SEMA3A: variants seen among roughly 807,000 people sequenced by gnomAD.
SEMA3A encodes the protein semaphorin 3A.
A neutral mutation model predicts 97.9 loss-of-function variants in SEMA3A; 29 were observed. That is an observed-to-expected ratio of 0.30 (90% CI 0.22 to 0.40). The LOEUF (loss-of-function observed/expected upper bound fraction) is 0.40. SEMA3A is among the 10% of genes least tolerant of loss of function. The probability of loss-of-function intolerance (pLI) is 1.00; values close to 1 mark genes in which losing one functional copy is unlikely to be tolerated. For synonymous variants in SEMA3A, 321 were observed against 323.7 expected, an observed-to-expected ratio of 0.99 and a Z score of 0.09; for missense variants, 763 against 951.3, an observed-to-expected ratio of 0.80 and a Z score of 2.60.
At chr7:84,007,663 TACACA>T (rs1213085994) in intron 9 of SEMA3A, among the ~76,000 whole-genome samples, 166 bp from the exon 10 acceptor site, 1 of 152,102 alleles carries the variant, frequency 6.6e-6, no homozygotes, top group Non-Finnish European at 1.5e-5. Context: ...CATTTAACAA[TACACA>T]AAAGAACAAA....
chr7:84,394,620 G>A (rs1477574735), intron 1 of SEMA3A, among the ~76,000 whole-genome samples: 1 of 151,958 alleles, frequency 6.6e-6, no homozygotes, highest in Non-Finnish European at 1.5e-5. Flanking sequence ...ATGGCTGATT[G>A]GAACAACAAA....
intron 1 of SEMA3A, among the ~76,000 whole-genome samples, chr7:84,463,448 C>A (rs997150913): frequency 2.3e-4 from 35 of 151,758 alleles, no homozygotes; most frequent in African/African-American, 8.2e-4. Flanking sequence ...CGGGGTTTCA[C>A]CGTGTTAGCC....
chr7:84,010,009 A>G (rs1027223727), intron 9 of SEMA3A, among the ~76,000 whole-genome samples: 2 of 146,446 alleles, frequency 1.4e-5, no homozygotes, highest in African/African-American at 2.5e-5. Flanking sequence ...TGTTTTTATT[A>G]TGTCTTTTTA....
intron 6 of SEMA3A, among the ~76,000 whole-genome samples, chr7:84,037,195 T>C (rs1339850846): frequency 6.6e-6 from 1 of 152,094 alleles, no homozygotes; most frequent in Non-Finnish European, 1.5e-5. Flanking sequence ...TTACCTGTTT[T>C]CCTACCCTAC....
intron 4 of SEMA3A, among the ~76,000 whole-genome samples, chr7:84,091,782 C>G (rs531366894): frequency 6.6e-6 from 1 of 152,034 alleles, no homozygotes; most frequent in Non-Finnish European, 1.5e-5. Context: ...TATTAATAAC[C>G]GTGAGTGAAG....
At chr7:84,435,031 T>G (rs899352506) in intron 1 of SEMA3A, among the ~76,000 whole-genome samples, 11 of 152,012 alleles carry the variant, frequency 7.2e-5, no homozygotes, top group Admixed American at 6.6e-5. Context: ...GACAAATAAA[T>G]AAAAGGCATC....
At chr7:84,202,656 C>A (rs1192390253) in intron 3 of SEMA3A, among the ~76,000 whole-genome samples, 1 of 152,128 alleles carries the variant, frequency 6.6e-6, no homozygotes, top group Non-Finnish European at 1.5e-5. Flanking sequence ...AACTGGTAAC[C>A]ATTGAAAACA....
chr7:84,246,439 A>C (rs946188395), intron 3 of SEMA3A, among the ~76,000 whole-genome samples: 1 of 152,216 alleles, frequency 6.6e-6, no homozygotes, highest in Non-Finnish European at 1.5e-5. Flanking sequence ...GGTTTTGCTA[A>C]AGACATTAAA....
intron 6 of SEMA3A, among the ~76,000 whole-genome samples, chr7:84,031,993 A>C (rs1443486355): frequency 6.6e-6 from 1 of 152,226 alleles, no homozygotes; most frequent in Non-Finnish European, 1.5e-5. Flanking sequence ...AAAATTGTCA[A>C]ATAATCATAA....
At chr7:84,415,497 T>C (rs1804408589) in intron 1 of SEMA3A, among the ~76,000 whole-genome samples, 1 of 152,084 alleles carries the variant, frequency 6.6e-6, no homozygotes, top group Admixed American at 6.6e-5. Flanking sequence ...AATTTTGAGA[T>C]TGTATTTCAC....
intron 15 of SEMA3A, among the ~76,000 whole-genome samples, chr7:83,968,137 CAACT>C (rs975032119): frequency 5.3e-5 from 8 of 152,038 alleles, no homozygotes; most frequent in African/African-American, 1.7e-4. Flanking sequence ...AACAAAAACT[CAACT>C]AAGGAAATAT....
At chr7:84,053,181 A>C (rs907592615) in intron 5 of SEMA3A, among the ~76,000 whole-genome samples, 6 of 125,266 alleles carry the variant, frequency 4.8e-5, no homozygotes, top group African/African-American at 1.3e-4. Flanking sequence ...GAAAAAATGT[A>C]TATTCTGTTG....
intron 4 of SEMA3A, among the ~76,000 whole-genome samples, chr7:84,090,473 CT>C (rs1321014128): frequency 1.3e-5 from 2 of 152,198 alleles, no homozygotes; most frequent in East Asian, 3.9e-4. Context: ...ATAGCATGTT[CT>C]CTCTGCAAGG....
intron 12 of SEMA3A, among the ~76,000 whole-genome samples, chr7:83,994,444 G>A (rs1368967823): frequency 8.2e-6 from 1 of 121,608 alleles, no homozygotes; most frequent in African/African-American, 3.0e-5. Context: ...CATCTTTGTG[G>A]TTTTATCTAC....
intron 11 of SEMA3A, among the ~76,000 whole-genome samples, chr7:84,004,921 C>G (rs1562967264): frequency 6.6e-6 from 1 of 152,268 alleles, no homozygotes; most frequent in East Asian, 1.9e-4. Flanking sequence ...AAATCTTCAT[C>G]TGCTCCTACC....
chr7:84,299,300 A>C, intron 3 of SEMA3A, among the ~76,000 whole-genome samples: 1 of 68,022 alleles, frequency 1.5e-5, no homozygotes, highest in Non-Finnish European at 3.5e-5. Context: ...ATCTCCATAT[A>C]TATATCTCCA....
At chr7:84,296,653 C>T (rs1377328574) in intron 3 of SEMA3A, among the ~76,000 whole-genome samples, 1 of 152,018 alleles carries the variant, frequency 6.6e-6, no homozygotes, top group Non-Finnish European at 1.5e-5. Context: ...ATCTAGATGT[C>T]CTGAAACATT....
chr7:84,252,937 G>A (rs1321991792), intron 3 of SEMA3A, among the ~76,000 whole-genome samples: 1 of 152,042 alleles, frequency 6.6e-6, no homozygotes, highest in East Asian at 1.9e-4. Context: ...GGAGTGCAGT[G>A]GCAAGATATC....
rs142298026 is a variant in SEMA3A, at chr7:84,177,212, G to C, written c.112+17263C>G. On this transcript the variant is annotated intron_variant, in intron 1 of 16. Transcript: ENST00000265362. ...GAAGACAGAATGAGAAAAAGATACA[G>C]CATTTACTGTATGTAGCTGGTATGG... 1.8e-4 allele frequency among the ~76,000 whole-genome samples: 27 copies of C among 152,174 alleles called. No individual in the cohort carries two copies. The South Asian group carries it at 2.5e-3, about 14-fold the overall frequency.
Sources: allele counts gnomAD v4.1 joint callset (sites outside exome capture counted in the v4.1 genomes callset), GRCh38; gene constraint gnomAD v4.1.1; transcripts MANE v1.5; gene names NCBI Gene and HGNC (gene_info 2026-07-23, HGNC 2026-07-21).